Variants in ENAH observed in about 807,000 individuals in gnomAD.
ENAH encodes protein enabled homolog.
ENAH carries 23 observed loss-of-function variants against 78.7 expected under a neutral mutation model. The observed-to-expected ratio is 0.29, with a 90% CI of 0.21 to 0.41. The LOEUF is 0.41. Ranked by LOEUF, ENAH falls within the 10% of genes least tolerant of loss-of-function variation. The pLI is 1.00. For missense variants in ENAH, 544 were observed against 691.0 expected (o/e 0.79, Z 2.39); for synonymous variants, 226 against 241.0 (o/e 0.94, Z 0.58).
intron 11 of ENAH, chr1:225,505,166 A>G (rs1255464783): frequency 1.4e-6 from 1 of 695,344 alleles, no homozygotes; most frequent in Non-Finnish European, 2.3e-6. Context: ...AATTGAGTCT[A>G]TTAACCTTAA....
chr1:225,628,065 G>A (rs1318615603), intron 1 of ENAH, among the ~76,000 whole-genome samples: 1 of 152,218 alleles, frequency 6.6e-6, no homozygotes, highest in Non-Finnish European at 1.5e-5. Flanking sequence ...GGTAAACCAG[G>A]CTTTCCTTCT....
intron 1 of ENAH, among the ~76,000 whole-genome samples, chr1:225,573,748 T>G (rs995078090): frequency 1.3e-5 from 2 of 152,200 alleles, no homozygotes; most frequent in Admixed American, 6.5e-5. Flanking sequence ...AAATTATGGA[T>G]GCACCTAGCA....
intron 4 of ENAH, 89 bp from the exon 5 acceptor site, chr1:225,519,654 G>T: frequency 6.6e-7 from 1 of 1,518,392 alleles, no homozygotes; most frequent in Non-Finnish European, 8.8e-7. Flanking sequence ...AACTATTTCT[G>T]AGTCAAATAA....
chr1:225,515,078 A>C, intron 6 of ENAH, 178 bp from the exon 7 acceptor site: 1 of 633,168 alleles, frequency 1.6e-6, no homozygotes, highest in Non-Finnish European at 2.8e-6. Flanking sequence ...CTGAAATGTA[A>C]GGTCCAAGTA....
chr1:225,587,309 A>C (rs1182371290), intron 1 of ENAH, among the ~76,000 whole-genome samples: 1 of 152,248 alleles, frequency 6.6e-6, no homozygotes. Context: ...GCAGCAAATT[A>C]GTAAGTGAAT....
intron 1 of ENAH, among the ~76,000 whole-genome samples, chr1:225,590,020 CAT>C (rs138239036): frequency 0.043 from 6,453 of 149,898 alleles, 218 homozygotes; most frequent in South Asian, 0.11. Context: ...TGAGAAACAA[CAT>C]ATAAATGATA....
intron 1 of ENAH, among the ~76,000 whole-genome samples, chr1:225,633,161 G>A (rs925896848): frequency 8.6e-5 from 13 of 151,444 alleles, no homozygotes; most frequent in African/African-American, 3.2e-4. Flanking sequence ...TCCTGCCTCA[G>A]CCTCCTGAAT....
Position 225,578,696 on chromosome 1 carries a change from C to G in ENAH, c.6-11282G>C, listed in dbSNP as rs564085160. 2.3e-4 allele frequency among the ~76,000 whole-genome samples: 35 copies of G among 152,220 alleles called. No homozygotes were observed. The South Asian group carries it at 6.6e-3, about 29-fold the overall frequency. On this transcript the variant is annotated intron_variant, in intron 1 of 13. Transcript: ENST00000366843. ...CGTTACTTGGAAAAATTAAAACCAA[C>G]AGTTTCAGAAGAATGCACTCTACAA... is the stretch of plus-strand genomic sequence containing the variant.
chr1:225,614,963 A>G (rs897160505), intron 1 of ENAH, among the ~76,000 whole-genome samples: 3 of 152,030 alleles, frequency 2.0e-5, no homozygotes, highest in Non-Finnish European at 4.4e-5. Context: ...AATCCTTAAG[A>G]GTAATACTTT....
chr1:225,542,521 G>C (rs1444378199), intron 3 of ENAH, among the ~76,000 whole-genome samples: 2 of 152,134 alleles, frequency 1.3e-5, no homozygotes, highest in Non-Finnish European at 2.9e-5. Flanking sequence ...CTATCTCTCT[G>C]CGTGACAATT....
Position 225,652,884 on chromosome 1 carries a change from G to A in ENAH, c.-194C>T, listed in dbSNP as rs958332735. 14 of 405,344 alleles carry A rather than the reference G, an allele frequency of 3.5e-5. No homozygotes were observed. The highest frequency in any genetic ancestry group is 2.7e-4 in the African/African-American group (13 of 48,696). The allele number at this position is 405,344 out of a possible 1,614,324, so 25.1% of individuals were successfully genotyped here. A position where few individuals can be genotyped will look rare whatever the true frequency, so the allele number is the denominator to read the frequency against. ...GGCGCCGGCCGGGAGTGTGGGAGAA[G>A]AGGGCGAGAGAAAGGCTGGGGAGGG... On this transcript the variant is annotated 5_prime_UTR_variant, in exon 1 of 14. Coordinates refer to ENST00000366843, the MANE Select transcript of ENAH (RefSeq NM_018212.6).
At chr1:225,548,873 A>T (rs1444837130) in intron 3 of ENAH, among the ~76,000 whole-genome samples, 1 of 142,766 alleles carries the variant, frequency 7.0e-6, no homozygotes, top group African/African-American at 2.6e-5. Context: ...TTTGAGGCAG[A>T]GTTTTTACTC....
chr1:225,639,366 G>C (rs1293445747), intron 1 of ENAH, among the ~76,000 whole-genome samples: 3 of 152,114 alleles, frequency 2.0e-5, no homozygotes, highest in African/African-American at 7.2e-5. Flanking sequence ...GCTATGGTTT[G>C]AATCTTGAAA....
chr1:225,517,791 A>C (rs1165806013), intron 5 of ENAH: 1 of 1,551,330 alleles, frequency 6.4e-7, no homozygotes, highest in Non-Finnish European at 8.7e-7. Context: ...ATGTTGCAAA[A>C]CGTGTCGCTG....
intron 1 of ENAH, 82 bp downstream of exon 1, chr1:225,652,599 AGAGGG>A: frequency 8.3e-7 from 1 of 1,201,188 alleles, no homozygotes; most frequent in Non-Finnish European, 1.1e-6. Context: ...CCGGGCCGGG[AGAGGG>A]AAGGCGGGGT....
intron 3 of ENAH, among the ~76,000 whole-genome samples, chr1:225,544,629 A>G (rs749304480): frequency 2.0e-5 from 3 of 152,240 alleles, no homozygotes; most frequent in Non-Finnish European, 4.4e-5. Context: ...GGGCAGGACA[A>G]GATGTCTTAA....
intron 2 of ENAH, among the ~76,000 whole-genome samples, chr1:225,560,891 T>C (rs533288895): frequency 1.3e-5 from 2 of 152,348 alleles, no homozygotes; most frequent in South Asian, 4.1e-4. Flanking sequence ...TGGAAAATAT[T>C]ACTAGGATCA....
chr1:225,641,179 A>G (rs1171223735), intron 1 of ENAH, among the ~76,000 whole-genome samples: 3 of 152,058 alleles, frequency 2.0e-5, no homozygotes, highest in African/African-American at 7.2e-5. Flanking sequence ...AAGTACACAC[A>G]TTTTAAATAA....
At chr1:225,628,213 G>A (rs1452290965) in intron 1 of ENAH, among the ~76,000 whole-genome samples, 1 of 152,178 alleles carries the variant, frequency 6.6e-6, no homozygotes, top group African/African-American at 2.4e-5. Context: ...GAGGTGAAAT[G>A]GACACTCCAT....
Sources: allele counts gnomAD v4.1 joint callset (sites outside exome capture counted in the v4.1 genomes callset), GRCh38; gene constraint gnomAD v4.1.1; transcripts MANE v1.5; gene names NCBI Gene and HGNC (gene_info 2026-07-23, HGNC 2026-07-21).